SESTD1: variants seen among roughly 807,000 people sequenced by gnomAD.
SESTD1 encodes the protein SEC14 and spectrin domain containing 1.
SESTD1 carries 43 observed loss-of-function variants against 101.7 expected under a neutral mutation model. That is an observed-to-expected ratio of 0.42 (90% CI 0.33 to 0.55). SESTD1 has a LOEUF of 0.55. Among genes scored for constraint, SESTD1 ranks in the 20% least tolerant of loss-of-function variants. The pLI is 0.07. For synonymous variants in SESTD1, 283 were observed against 286.8 expected (o/e 0.99, Z 0.13); for missense variants, 647 against 815.1 (o/e 0.79, Z 2.51).
intron 5 of SESTD1, 21 bp downstream of exon 5, chr2:179,172,099 A>T: frequency 6.9e-7 from 1 of 1,449,914 alleles, no homozygotes; most frequent in Non-Finnish European, 9.6e-7. Context: ...AATGGACTTT[A>T]AAAAAAGAGA....
chr2:179,247,430 T>G (rs551119219), intron 1 of SESTD1, among the ~76,000 whole-genome samples: 2 of 152,274 alleles, frequency 1.3e-5, no homozygotes, highest in South Asian at 4.1e-4. Flanking sequence ...GTTTTTGTTT[T>G]TGTTTTAAGA....
chr2:179,110,420 A>G (rs1016992156), intron 17 of SESTD1, among the ~76,000 whole-genome samples: 1 of 152,156 alleles, frequency 6.6e-6, no homozygotes, highest in African/African-American at 2.4e-5. Context: ...AAGCAAAATA[A>G]ATATTCTTTT....
intron 1 of SESTD1, among the ~76,000 whole-genome samples, chr2:179,236,875 C>T (rs2047076582): frequency 6.6e-6 from 1 of 150,906 alleles, no homozygotes; most frequent in Non-Finnish European, 1.5e-5. Flanking sequence ...TAATATAAAA[C>T]CATATTTTAC....
At chr2:179,196,209 A>AAATTGGGTCACT (rs1234555206) in intron 1 of SESTD1, among the ~76,000 whole-genome samples, 1 of 152,216 alleles carries the variant, frequency 6.6e-6, no homozygotes, top group African/African-American at 2.4e-5. Flanking sequence ...GGCACCTGGA[A>AAATTGGGTCACT]AATTGGGTCA....
chr2:179,139,693 C>T (rs2045235372), intron 9 of SESTD1, among the ~76,000 whole-genome samples: 1 of 152,136 alleles, frequency 6.6e-6, no homozygotes, highest in Non-Finnish European at 1.5e-5. Flanking sequence ...CACTGACTCA[C>T]CTGGTCTGAG....
At chr2:179,119,185 C>T (rs1008929710) in intron 13 of SESTD1, among the ~76,000 whole-genome samples, 1 of 152,170 alleles carries the variant, frequency 6.6e-6, no homozygotes, top group Admixed American at 6.5e-5. Context: ...GAAAATTACA[C>T]TTATATACAA....
At chr2:179,116,104 T>C (rs1420725179) in intron 15 of SESTD1, among the ~76,000 whole-genome samples, 7 of 152,028 alleles carry the variant, frequency 4.6e-5, no homozygotes, top group Non-Finnish European at 7.4e-5. Context: ...TGAAACCCCA[T>C]CTCTACTAAA....
intron 2 of SESTD1, among the ~76,000 whole-genome samples, chr2:179,184,685 T>TTTAA (rs2046179990): frequency 6.6e-6 from 1 of 152,224 alleles, no homozygotes; most frequent in East Asian, 1.9e-4. Flanking sequence ...TCATCAATGG[T>TTTAA]CAAGAGAGGG....
chr2:179,184,326 C>T (rs1169251853), intron 2 of SESTD1, among the ~76,000 whole-genome samples: 1 of 152,116 alleles, frequency 6.6e-6, no homozygotes, highest in African/African-American at 2.4e-5. Flanking sequence ...GATCGCTAGA[C>T]ATCTATCACT....
intron 5 of SESTD1, among the ~76,000 whole-genome samples, chr2:179,163,598 T>C (rs1441179302): frequency 1.3e-5 from 2 of 150,718 alleles, no homozygotes; most frequent in Non-Finnish European, 3.0e-5. Flanking sequence ...AAAAGATCAC[T>C]ACCCTGCACA....
At chr2:179,167,447 G>A (rs1053905299) in intron 5 of SESTD1, among the ~76,000 whole-genome samples, 6 of 152,010 alleles carry the variant, frequency 3.9e-5, no homozygotes, top group African/African-American at 1.2e-4. Flanking sequence ...ACAGAAAAAG[G>A]GCAGATAAAA....
At chr2:179,240,527 G>C (rs766630068) in intron 1 of SESTD1, among the ~76,000 whole-genome samples, 52 of 152,046 alleles carry the variant, frequency 3.4e-4, no homozygotes, top group Admixed American at 1.3e-3. Flanking sequence ...ACTTGCAGCT[G>C]TAAAACCGGC....
At chr2:179,129,268 C>T (rs1431486116) in intron 10 of SESTD1, among the ~76,000 whole-genome samples, 1 of 152,214 alleles carries the variant, frequency 6.6e-6, no homozygotes, top group Non-Finnish European at 1.5e-5. Context: ...ATGTTCCTAT[C>T]ACACACGCTT....
intron 10 of SESTD1, among the ~76,000 whole-genome samples, chr2:179,130,733 G>A (rs2044992598): frequency 6.6e-6 from 1 of 151,990 alleles, no homozygotes; most frequent in Admixed American, 6.6e-5. Context: ...CCCCTTAGGT[G>A]AAGTCTAGAA....
Position 179,198,217 on chromosome 2 carries a change from A to C in SESTD1, c.-25-6351T>G, listed in dbSNP as rs1574029225. ...AAAGATCAAAAGAGACAAGGCCATT[A>C]CATAATGGTAAAGGGATCAATTCAA... On this transcript the variant is annotated intron_variant, in intron 1 of 17. Coordinates refer to ENST00000428443, the MANE Select transcript of SESTD1 (RefSeq NM_178123.5). 1.1e-4 allele frequency among the ~76,000 whole-genome samples: 16 copies of C among 152,344 alleles called. 1 individual carries two copies. In the South Asian group the frequency reaches 3.3e-3, roughly 32 times the overall value.
intron 1 of SESTD1, among the ~76,000 whole-genome samples, chr2:179,261,268 G>C (rs1379227757): frequency 1.3e-5 from 2 of 152,062 alleles, no homozygotes; most frequent in African/African-American, 4.8e-5. Flanking sequence ...GTTATTGTTT[G>C]GTTTGATTTT....
intron 1 of SESTD1, among the ~76,000 whole-genome samples, chr2:179,224,671 G>T (rs974826509): frequency 1.3e-5 from 2 of 152,094 alleles, no homozygotes; most frequent in South Asian, 4.1e-4. Flanking sequence ...AGAGCTGAAG[G>T]TTGTGTTGAT....
chr2:179,192,246 A>C (rs1169865301), intron 1 of SESTD1, among the ~76,000 whole-genome samples: 1 of 152,216 alleles, frequency 6.6e-6, no homozygotes, highest in Non-Finnish European at 1.5e-5. Context: ...AATTTGTTGA[A>C]TAAACAAATG....
At chr2:179,197,135 C>A (rs958443614) in intron 1 of SESTD1, among the ~76,000 whole-genome samples, 1 of 152,034 alleles carries the variant, frequency 6.6e-6, no homozygotes, top group Non-Finnish European at 1.5e-5. Flanking sequence ...GAGCTGAAAA[C>A]CAAGGCTCGA....
Sources: allele counts gnomAD v4.1 joint callset (sites outside exome capture counted in the v4.1 genomes callset), GRCh38; gene constraint gnomAD v4.1.1; transcripts MANE v1.5; gene names NCBI Gene and HGNC (gene_info 2026-07-23, HGNC 2026-07-21).